Variants in ADGRB3 observed in about 807,000 individuals in gnomAD.
ADGRB3 encodes the protein adhesion G protein-coupled receptor B3.
In ADGRB3, 37 loss-of-function variants were observed where a neutral mutation model predicts 193.4. The observed-to-expected ratio is 0.19, with a 90% confidence interval of 0.15 to 0.25. The LOEUF is 0.25. Ranked by LOEUF, ADGRB3 falls within the 10% of genes least tolerant of loss-of-function variation. ADGRB3 has a pLI of 1.00. For missense variants in ADGRB3, 1,637 were observed against 1,852.9 expected, an observed-to-expected ratio of 0.88 and a Z score of 2.14; for synonymous variants, 690 against 644.2, an observed-to-expected ratio of 1.07 and a Z score of -1.08.
chr6:68,757,614 T>C (rs567793456), intron 3 of ADGRB3, among the ~76,000 whole-genome samples: 1 of 152,118 alleles, frequency 6.6e-6, no homozygotes, highest in African/African-American at 2.4e-5. Flanking sequence ...CTATGTCTCC[T>C]GAAATTTTCT....
intron 10 of ADGRB3, among the ~76,000 whole-genome samples, chr6:68,983,768 T>C (rs1163061078): frequency 2.0e-5 from 3 of 151,984 alleles, no homozygotes; most frequent in Non-Finnish European, 2.9e-5. Flanking sequence ...TTCTTATATG[T>C]TAAAGGAAAT....
intron 17 of ADGRB3, among the ~76,000 whole-genome samples, chr6:69,144,840 G>A (rs1471741936): frequency 6.7e-6 from 1 of 150,042 alleles, no homozygotes; most frequent in Non-Finnish European, 1.5e-5. Flanking sequence ...TTGCATCAAT[G>A]TTAATCAGGA....
intron 3 of ADGRB3, among the ~76,000 whole-genome samples, chr6:68,729,643 A>G (rs1349313349): frequency 6.6e-6 from 1 of 151,560 alleles, no homozygotes; most frequent in Non-Finnish European, 1.5e-5. Context: ...TCTCTTTCCC[A>G]GGCTATTTAC....
intron 17 of ADGRB3, among the ~76,000 whole-genome samples, chr6:69,168,958 C>T (rs756671565): frequency 2.0e-5 from 3 of 151,568 alleles, no homozygotes; most frequent in South Asian, 4.2e-4. Flanking sequence ...TTTATTCTTG[C>T]TTTATAATAT....
intron 16 of ADGRB3, among the ~76,000 whole-genome samples, chr6:69,075,294 A>G (rs962088764): frequency 2.6e-5 from 4 of 152,220 alleles, no homozygotes; most frequent in Non-Finnish European, 5.9e-5. Context: ...CAGAATCTGT[A>G]GAAACATGTA....
At chr6:69,038,814 A>G (rs2150297129) in intron 13 of ADGRB3, among the ~76,000 whole-genome samples, 1 of 152,358 alleles carries the variant, frequency 6.6e-6, no homozygotes, top group East Asian at 1.9e-4. Flanking sequence ...ATCATCTTCA[A>G]AAATAGCCTG....
At chr6:68,669,336 T>C (rs1768883262) in intron 3 of ADGRB3, among the ~76,000 whole-genome samples, 1 of 151,864 alleles carries the variant, frequency 6.6e-6, no homozygotes, top group African/African-American at 2.4e-5. Context: ...TCTTATTCAT[T>C]TGTTCTAACT....
chr6:68,832,528 T>C (rs1418333982), intron 3 of ADGRB3, among the ~76,000 whole-genome samples: 1 of 152,184 alleles, frequency 6.6e-6, no homozygotes, highest in Admixed American at 6.6e-5. Flanking sequence ...CAGTAAATCA[T>C]ATCAACAAAG....
chr6:68,846,804 C>A (rs1246078061), intron 3 of ADGRB3, among the ~76,000 whole-genome samples: 1 of 152,006 alleles, frequency 6.6e-6, no homozygotes, highest in Non-Finnish European at 1.5e-5. Flanking sequence ...AGGGTCAGAG[C>A]CCTCACACAG....
chr6:69,170,993 G>GA (rs1312556974), intron 17 of ADGRB3, among the ~76,000 whole-genome samples: 2 of 152,086 alleles, frequency 1.3e-5, no homozygotes, highest in Non-Finnish European at 2.9e-5. Flanking sequence ...AAAGTAAAAA[G>GA]AAAAAAGTTA....
chr6:69,206,592 A>G (rs909524029), intron 17 of ADGRB3, among the ~76,000 whole-genome samples: 3 of 152,168 alleles, frequency 2.0e-5, no homozygotes, highest in African/African-American at 7.2e-5. Flanking sequence ...CCAGAAACGC[A>G]CCAATCCCCA....
intron 3 of ADGRB3, among the ~76,000 whole-genome samples, chr6:68,810,358 A>G (rs1767486765): frequency 6.6e-6 from 1 of 152,220 alleles, no homozygotes; most frequent in African/African-American, 2.4e-5. Flanking sequence ...TGCCCTGGAC[A>G]CTATCAACAA....
chr6:68,921,731 ATAAG>A (rs1767048822), intron 3 of ADGRB3, among the ~76,000 whole-genome samples: 1 of 151,682 alleles, frequency 6.6e-6, no homozygotes, highest in Admixed American at 6.6e-5. Context: ...AATATATAAT[ATAAG>A]AATAGAAGGA....
intron 3 of ADGRB3, among the ~76,000 whole-genome samples, chr6:68,782,491 A>T (rs1370967369): frequency 5.9e-5 from 9 of 152,068 alleles, no homozygotes. Context: ...TATACCCAGA[A>T]ATGGGATGGC....
chr6:68,844,924 T>A (rs920947694), intron 3 of ADGRB3, among the ~76,000 whole-genome samples: 1 of 151,936 alleles, frequency 6.6e-6, no homozygotes, highest in Non-Finnish European at 1.5e-5. Flanking sequence ...TCAAAACAAA[T>A]GAACTCATGA....
At chr6:69,127,583 A>G (rs763826985) in intron 17 of ADGRB3, among the ~76,000 whole-genome samples, 1 of 152,194 alleles carries the variant, frequency 6.6e-6, no homozygotes, top group East Asian at 1.9e-4. Flanking sequence ...TGAGGATAAA[A>G]TATAAATTAC....
intron 3 of ADGRB3, among the ~76,000 whole-genome samples, chr6:68,846,473 G>C (rs1277093297): frequency 6.6e-6 from 1 of 152,210 alleles, no homozygotes; most frequent in African/African-American, 2.4e-5. Flanking sequence ...AGGAAAAAAT[G>C]ATTTCATGGG....
At chr6:69,051,327 T>A (rs1028224023) in intron 15 of ADGRB3, among the ~76,000 whole-genome samples, 1 of 152,178 alleles carries the variant, frequency 6.6e-6, no homozygotes, top group Admixed American at 6.5e-5. Context: ...TAATTGAACT[T>A]AAAATTTTTT....
chr6:68,883,256 A>C (rs895444907), intron 3 of ADGRB3, among the ~76,000 whole-genome samples: 1 of 152,132 alleles, frequency 6.6e-6, no homozygotes, highest in Middle Eastern at 3.2e-3. Context: ...ACCAATTAGC[A>C]CCCTGTCAAA....
Sources: allele counts gnomAD v4.1 joint callset (sites outside exome capture counted in the v4.1 genomes callset), GRCh38; gene constraint gnomAD v4.1.1; transcripts MANE v1.5; gene names NCBI Gene and HGNC (gene_info 2026-07-23, HGNC 2026-07-21).